Variants in EZR observed in about 807,000 individuals in gnomAD.
EZR encodes ezrin, also known as cytovillin 2.
EZR carries 40 observed loss-of-function variants against 74.8 expected under a neutral mutation model. The ratio of observed to expected loss-of-function variants is 0.53; its 90% CI spans 0.42 to 0.70. The LOEUF is 0.70. Among genes scored for constraint, EZR ranks in the 30% least tolerant of loss-of-function variants. The pLI is 0.00. For synonymous variants in EZR, 341 were observed against 283.3 expected, an observed-to-expected ratio of 1.20 and a Z score of -2.05; for missense variants, 678 against 755.8, an observed-to-expected ratio of 0.90 and a Z score of 1.21.
intron 7 of EZR, 22 bp from the exon 8 acceptor site, chr6:158,776,526 G>T (rs766305838): frequency 6.4e-7 from 1 of 1,552,140 alleles, no homozygotes. Context: ...AAGAAGAAGT[G>T]GATGGTTAGA....
chr6:158,785,207 G>T, intron 5 of EZR, 102 bp downstream of exon 5: 1 of 1,439,550 alleles, frequency 6.9e-7, no homozygotes, highest in Non-Finnish European at 9.4e-7. Flanking sequence ...CTTGACACTG[G>T]CGAAGTCCTT....
chr6:158,803,549 A>ATG (rs1777241246), intron 2 of EZR, among the ~76,000 whole-genome samples: 1 of 1,362 alleles, frequency 7.3e-4, no homozygotes, highest in Non-Finnish European at 2.1e-3. Flanking sequence ...ATATATGTAT[A>ATG]TATATATATA....
At chr6:158,769,497 G>C in intron 11 of EZR, 79 bp from the exon 12 acceptor site, 1 of 1,428,492 alleles carries the variant, frequency 7.0e-7, no homozygotes, top group Admixed American at 1.8e-5. Context: ...GTTCATGTGT[G>C]TTGGCAAGCA....
chr6:158,782,687 C>G (rs961821438), intron 7 of EZR, among the ~76,000 whole-genome samples: 1 of 152,230 alleles, frequency 6.6e-6, no homozygotes, highest in African/African-American at 2.4e-5. Context: ...AGCAATCAGG[C>G]TGACTGTGGA....
At chr6:158,767,162 G>T in intron 13 of EZR, 84 bp from the exon 14 acceptor site, 1 of 1,586,902 alleles carries the variant, frequency 6.3e-7, no homozygotes. Context: ...AGGGCAAGAG[G>T]GGTGCTGGGT....
At chr6:158,801,539 T>C (rs1169069276) in intron 2 of EZR, among the ~76,000 whole-genome samples, 1 of 152,234 alleles carries the variant, frequency 6.6e-6, no homozygotes, top group Non-Finnish European at 1.5e-5. Flanking sequence ...CAGTGCGCCA[T>C]TTTATCTGCA....
intron 2 of EZR, among the ~76,000 whole-genome samples, chr6:158,803,896 AG>A (rs1340061004): frequency 6.6e-6 from 1 of 151,674 alleles, no homozygotes; most frequent in Non-Finnish European, 1.5e-5. Context: ...TAGAACTAGA[AG>A]GGAACTTTCT....
chr6:158,801,746 G>A (rs1777192351), intron 2 of EZR, among the ~76,000 whole-genome samples: 1 of 152,158 alleles, frequency 6.6e-6, no homozygotes, highest in African/African-American at 2.4e-5. Flanking sequence ...TCCCCACAGG[G>A]GTCAAAGTGC....
At position 158,785,664 on chromosome 6, in the gene EZR, C is replaced by G. The variant is rs147078733; in HGVS notation, c.193-81G>C. 1.0e-4 allele frequency: 152 copies of G among 1,526,248 alleles called. 1 individual carries two copies. In the African/African-American group the frequency reaches 1.9e-3, roughly 19 times the overall value. 94.5% of individuals were successfully genotyped at this position (1,526,248 alleles called of 1,614,324 possible). On this transcript the variant is annotated intron_variant, in intron 4 of 13. Transcript: ENST00000367075. ...CCCCAACACAGGCTTCTAACCAAGA[C>G]TCAATGGGGCCCTCAAGCCAGTTTT...
chr6:158,808,635 A>G (rs1386891548), intron 2 of EZR, among the ~76,000 whole-genome samples: 1 of 152,116 alleles, frequency 6.6e-6, no homozygotes, highest in East Asian at 1.9e-4. Context: ...CCCATGTGCC[A>G]TCTTAGCAGG....
intron 2 of EZR, among the ~76,000 whole-genome samples, chr6:158,803,656 T>C (rs1282869627): frequency 2.6e-5 from 2 of 76,706 alleles, no homozygotes; most frequent in African/African-American, 8.0e-5. Context: ...TATATATACA[T>C]ATATATATAT....
chr6:158,772,877 C>G (rs753018), intron 8 of EZR, among the ~76,000 whole-genome samples: 2,377 of 151,850 alleles, frequency 0.016, 50 homozygotes, highest in African/African-American at 0.054. Flanking sequence ...TCAACACATC[C>G]GAGAAGAATC....
At chr6:158,811,392 T>A (rs994343551) in intron 2 of EZR, among the ~76,000 whole-genome samples, 2 of 150,804 alleles carry the variant, frequency 1.3e-5, no homozygotes, top group African/African-American at 4.9e-5. Context: ...TGCTTCAGAA[T>A]AGAGCTGAAA....
Position 158,771,386 on chromosome 6 carries a change from G to A in EZR, c.817C>T (p.Arg273Cys), listed in dbSNP as rs757238528. ...KAPDFVFYAP[R>C]LRINKRILQL... ...AGGATCCGCTTGTTGATTCTCAGAC[G>A]TGGGGCATAAAACACAAAGTCCTAC... The change falls in exon 9 of 14, where the codon CGT (arginine) becomes TGT (cysteine). Residue 273 changes from arginine (R) to cysteine (C), a missense_variant. Physicochemically the swap from Arg to Cys is radical, Grantham distance 180. This residue lies in a region of EZR where 119 missense variants were observed against 182.3 expected (regional missense o/e 0.65). Coordinates refer to ENST00000367075, the MANE Select transcript of EZR (RefSeq NM_001111077.2). 5 of 1,611,068 alleles carry A rather than the reference G, an allele frequency of 3.1e-6. No homozygotes were observed. Among genetic ancestry groups the A allele is most frequent in the Non-Finnish European group, 2.5e-6 (3 of 1,178,312 alleles).
At position 158,767,155 on chromosome 6, in the gene EZR, G is replaced by A. The variant is rs1790906886; in HGVS notation, c.1597-77C>T. On this transcript the variant is annotated intron_variant, in intron 13 of 13. Coordinates refer to ENST00000367075, the MANE Select transcript of EZR (RefSeq NM_001111077.2). The stretch of plus-strand genomic sequence containing the variant: ...CCCGTCCCCTAGGAAAACAGGAAGG[G>A]CAAGAGGGGTGCTGGGTGGGGCTGG... The A allele has an allele frequency of 2.5e-6, 4 of 1,591,274 alleles. No individual in the cohort carries two copies. In the Admixed American group the frequency reaches 6.8e-5, roughly 27 times the overall value.
Position 158,771,299 on chromosome 6 carries a change from C to T in EZR, c.904G>A (p.Val302Met), listed in dbSNP as rs746882749. The T allele has an allele frequency of 3.7e-6, 6 of 1,614,040 alleles. No homozygotes were observed. The highest frequency in any genetic ancestry group is 4.2e-6 in the Non-Finnish European group (5 of 1,180,016). Residue 302 changes from valine to methionine, a missense_variant, in exon 9 of 14, where the codon GTG becomes ATG. Around this residue, in one of 3 missense-constraint regions of EZR, gnomAD observed 119 missense variants for 182.3 expected, o/e 0.65. Coordinates refer to ENST00000367075, the MANE Select transcript of EZR (RefSeq NM_001111077.2). Reference protein sequence around the residue: ...MRRRKPDTIEVQQMKAQAREE... With the variant: ...MRRRKPDTIEMQQMKAQAREE... The stretch of plus-strand genomic sequence containing the variant: ...CGGGCCTGGGCCTTCATCTGCTGCA[C>T]CTCGATGGTGTCAGGCTTCCTGCGG...
At chr6:158,775,158 G>A (rs955357963) in intron 8 of EZR, among the ~76,000 whole-genome samples, 11 of 150,360 alleles carry the variant, frequency 7.3e-5, no homozygotes, top group East Asian at 2.0e-4. Context: ...TCAGCCTCCC[G>A]AGCAGCTGAG....
In EZR at chr6:158,771,284, C is replaced by T. The variant is rs780174100; in HGVS notation, c.919G>A (p.Ala307Thr). ...TGATGCTTCTCCTCCCGGGCCTGGGCCTTCATCTGCTGCACCTCGATGGTG... is the reference window on the plus strand; with the variant it reads ...TGATGCTTCTCCTCCCGGGCCTGGGTCTTCATCTGCTGCACCTCGATGGTG... ...PDTIEVQQMKAQAREEKHQKQ... is the reference protein window; with the variant it reads ...PDTIEVQQMKTQAREEKHQKQ... Residue 307 changes from alanine to threonine, a missense_variant, in exon 9 of 14, where the codon GCC (alanine) becomes ACC (threonine). Ala to Thr is a moderately conservative substitution (Grantham distance 58, BLOSUM62 0). Coordinates refer to ENST00000367075, the MANE Select transcript of EZR (RefSeq NM_001111077.2). 6.2e-7 allele frequency: 1 copy of T among 1,614,182 alleles called. No individual in the cohort carries two copies. Among genetic ancestry groups the T allele is most frequent in the Admixed American group, 1.7e-5 (1 of 60,024 alleles).
chr6:158,787,327 C>T, intron 3 of EZR, 124 bp from the exon 4 acceptor site: 1 of 639,724 alleles, frequency 1.6e-6, no homozygotes, highest in South Asian at 2.1e-5. Flanking sequence ...CTGCTCAGTC[C>T]AACCACTGGG....
Sources: gnomAD v4.1 joint callset for allele counts (sites outside exome capture counted in the v4.1 genomes callset) on GRCh38, gnomAD v4.1.1 for gene constraint, gnomAD v4.1.1 regional missense constraint, MANE v1.5 for transcripts, NCBI Gene and HGNC (gene_info 2026-07-23, HGNC 2026-07-21) for gene names.